IFI27: variants seen among roughly 807,000 people sequenced by gnomAD.
The protein encoded by IFI27 is interferon alpha inducible protein 27.
In IFI27, 3 loss-of-function variants were observed where a neutral mutation model predicts 8.9. The ratio of observed to expected loss-of-function variants is 0.34; its 90% CI spans 0.15 to 0.87. IFI27 has a LOEUF of 0.87. IFI27 is among the 40% of genes least tolerant of loss of function. The probability of loss-of-function intolerance (pLI) is 0.51; values close to 1 mark genes in which losing one functional copy is unlikely to be tolerated. For missense variants in IFI27, 152 were observed against 157.7 expected (o/e 0.96, Z 0.19); for synonymous variants, 66 against 67.3 (o/e 0.98, Z 0.09).
At chr14:94,109,036 G>A (rs1887059349), upstream of IFI27, among the ~76,000 whole-genome samples, 1 of 152,182 alleles carries the variant, frequency 6.6e-6, no homozygotes, top group African/African-American at 2.4e-5. Context: ...GCTCACACCT[G>A]TAATCCCAGC....
upstream of IFI27, among the ~76,000 whole-genome samples, chr14:94,110,381 A>G (rs184390547): frequency 1.1e-3 from 174 of 152,344 alleles, 2 homozygotes; most frequent in Non-Finnish European, 2.1e-3. Context: ...ACATCTGCCT[A>G]TCGCAAGGAC....
At chr14:94,106,179 C>G (rs1482108962), upstream of IFI27, among the ~76,000 whole-genome samples, 1 of 152,132 alleles carries the variant, frequency 6.6e-6, no homozygotes, top group Non-Finnish European at 1.5e-5. Flanking sequence ...AGGCACTAAT[C>G]CCATTCATTA....
At position 94,112,196 on chromosome 14, in the gene IFI27, AC is replaced by A. The variant is rs146231289; in HGVS notation, c.91+424del. ...CGATTTTAACAAAATTCTTCAGCTC[AC>A]TTTTTTCATTAGTTTCTGGGAGATC... On this transcript the variant is annotated intron_variant, in intron 2 of 4. Transcript: ENST00000621160. 929 of 176,614 alleles carry A rather than the reference AC, an allele frequency of 5.3e-3. 6 individuals carry two copies. The highest frequency in any genetic ancestry group is 0.02 in the African/African-American group (858 of 42,378). The allele number at this position is 176,614 out of a possible 1,614,324, so 10.9% of individuals were successfully genotyped here. A position where few individuals can be genotyped will look rare whatever the true frequency, so the allele number is the denominator to read the frequency against.
intron 2 of IFI27, chr14:94,112,855 T>G (rs1295893331): frequency 6.6e-6 from 1 of 152,270 alleles, no homozygotes; most frequent in Admixed American, 6.5e-5. Flanking sequence ...GGCTCCCAAC[T>G]CAGTACAGAG....
chr14:94,115,467 A>G (rs1332324537), intron 3 of IFI27: 6 of 604,670 alleles, frequency 9.9e-6, no homozygotes, highest in Non-Finnish European at 1.5e-5. Context: ...CTTGCCAACC[A>G]CTCCCCTGGT....
At position 94,116,186 on chromosome 14, in the gene IFI27, C is replaced by T. The variant is rs571868632; in HGVS notation, c.283+244C>T. The T allele has an allele frequency of 1.9e-5, 13 of 700,302 alleles. No homozygotes were observed. The highest frequency in any genetic ancestry group is 4.6e-5 in the South Asian group (3 of 65,864). The allele number at this position is 700,302 out of a possible 1,614,324, so 43.4% of individuals were successfully genotyped here. ...CTGGGTTACCTGGGGCGTCTCCTCC[C>T]CTCTGGGGTGCAGCCTCCTTCCCTG... On this transcript the variant is annotated intron_variant, in intron 4 of 4. Transcript: ENST00000621160. This position sits in a 1 kb window ranked among gnomAD's most constrained non-coding sequence, Gnocchi z 4.3.
intron 3 of IFI27, chr14:94,115,172 ACTC>A (rs1351613862): frequency 1.7e-5 from 11 of 651,028 alleles, no homozygotes; most frequent in Non-Finnish European, 2.8e-5. Context: ...ATGTCTTTGA[ACTC>A]CTCTGAGCTC....
Position 94,114,774 on chromosome 14 carries a change from T to A in IFI27, c.92-77T>A, listed in dbSNP as rs941794400. On this transcript the variant is annotated intron_variant, in intron 2 of 4. Transcript: ENST00000621160. ...ACCTGGGGCAGCCCCCTGCCTCCCTTTAGATGGGCAATCGGCTTAGAAAGT... is the reference window on the plus strand; with the variant it reads ...ACCTGGGGCAGCCCCCTGCCTCCCTATAGATGGGCAATCGGCTTAGAAAGT... The A allele has an allele frequency of 5.9e-6, 9 of 1,526,424 alleles. No homozygotes were observed. In the African/African-American group the frequency reaches 1.1e-4, roughly 19 times the overall value. The allele number at this position is 1,526,424 out of a possible 1,614,324, so 94.6% of individuals were successfully genotyped here. A position where few individuals can be genotyped will look rare whatever the true frequency, so the allele number is the denominator to read the frequency against.
chr14:94,112,072 C>T, intron 2 of IFI27: 1 of 499,656 alleles, frequency 2.0e-6, no homozygotes, highest in Non-Finnish European at 3.6e-6. Flanking sequence ...CTCTCTTCAG[C>T]TCTCCCTTCC....
upstream of IFI27, among the ~76,000 whole-genome samples, chr14:94,107,478 A>C (rs1288671001): frequency 2.0e-5 from 3 of 152,090 alleles, no homozygotes; most frequent in African/African-American, 7.2e-5. Flanking sequence ...GTCATGAATA[A>C]TTTCCCCTAT....
chr14:94,114,802 AG>A (rs1887326545), intron 2 of IFI27, 48 bp from the exon 3 acceptor site: 1 of 1,608,356 alleles, frequency 6.2e-7, no homozygotes, highest in Admixed American at 1.7e-5. Flanking sequence ...TAGAAAGTGG[AG>A]GGGAAGCCAG....
Position 94,115,959 on chromosome 14 carries a change from G to A in IFI27, c.283+17G>A, listed in dbSNP as rs375408919. ...AGTCACTGGGTAAGTATCCTGGCGG[G>A]GCTTGCTGGGGAGGGCGATGAGGAG... On this transcript the variant is annotated intron_variant, in intron 4 of 4. Coordinates refer to ENST00000621160, the Ensembl canonical transcript of IFI27. 52 of 1,559,726 alleles carry A rather than the reference G, an allele frequency of 3.3e-5. No homozygotes were observed. The African/African-American group carries it at 6.4e-4, about 19-fold the overall frequency.
intron 4 of IFI27, 43 bp downstream of exon 4, chr14:94,115,985 G>A: frequency 6.5e-7 from 1 of 1,539,416 alleles, no homozygotes; most frequent in East Asian, 2.4e-5. Flanking sequence ...CGATGAGGAG[G>A]GCAAGAGCCT....
chr14:94,106,720 G>C (rs1887019783), upstream of IFI27, among the ~76,000 whole-genome samples: 2 of 152,186 alleles, frequency 1.3e-5, no homozygotes, highest in Non-Finnish European at 2.9e-5. Flanking sequence ...CATGGCACTG[G>C]TATCTGCTCG....
chr14:94,111,871 A>C lies in IFI27; in HGVS notation c.91+98A>C. 2 of 936,706 alleles carry C rather than the reference A, an allele frequency of 2.1e-6. No homozygotes were observed. Among genetic ancestry groups the C allele is most frequent in the Non-Finnish European group, 1.7e-6 (1 of 572,594 alleles). The allele number at this position is 936,706 out of a possible 1,614,324, so 58.0% of individuals were successfully genotyped here. On this transcript the variant is annotated intron_variant, in intron 2 of 4. Transcript: ENST00000621160. The surrounding 1 kb of genome is among the most constrained non-coding windows in gnomAD (Gnocchi z 4.3). The stretch of plus-strand genomic sequence containing the variant: ...ACCCGTGGGAGAGAAAATGGGGGAC[A>C]CCCGCAGCCTTGCTGCCCTGTCCTG...
At position 94,115,556 on chromosome 14, in the gene IFI27, C is replaced by T. The variant is rs1887356782; in HGVS notation, c.122-225C>T. The T allele has an allele frequency of 6.5e-6, 4 of 610,952 alleles. No individual in the cohort carries two copies. In the South Asian group the frequency reaches 7.9e-5, roughly 12 times the overall value. The allele number at this position is 610,952 out of a possible 1,614,324, so 37.8% of individuals were successfully genotyped here. Reference sequence around the variant, plus strand: ...AGGAAGGTCCTGCTGCCCAGAAGAGCTTGGCCCAGAGCCCTGTGCCCAGTG... The same window carrying T: ...AGGAAGGTCCTGCTGCCCAGAAGAGTTTGGCCCAGAGCCCTGTGCCCAGTG... On this transcript the variant is annotated intron_variant, in intron 3 of 4. Coordinates refer to ENST00000621160, the Ensembl canonical transcript of IFI27.
exon 1 of IFI27, chr14:94,110,756 G>A (rs892465551): frequency 6.6e-6 from 1 of 152,276 alleles, no homozygotes; most frequent in Non-Finnish European, 1.5e-5. Flanking sequence ...AGCTTAAGAC[G>A]GTGAGGTCAG....
At chr14:94,109,733 C>G (rs1005353278), upstream of IFI27, among the ~76,000 whole-genome samples, 1 of 152,196 alleles carries the variant, frequency 6.6e-6, no homozygotes, top group African/African-American at 2.4e-5. Context: ...GAGAGCCCTC[C>G]CATTAAAGCC....
rs147373518 is a variant in IFI27, at chr14:94,111,815, C to T, written c.91+42C>T. 558 of 1,480,456 alleles carry T rather than the reference C, an allele frequency of 3.8e-4. 3 individuals are homozygous for T. The African/African-American group carries it at 6.7e-3, about 18-fold the overall frequency. 91.7% of individuals were successfully genotyped at this position (1,480,456 alleles called of 1,614,324 possible). ...GGGGCTGGTGCTGGGGGCGAGGAGG[C>T]GGCTGGGAAGGGCGGGGGTCCTGTC... On this transcript the variant is annotated intron_variant, in intron 2 of 4. Transcript: ENST00000621160. This position sits in a 1 kb window ranked among gnomAD's most constrained non-coding sequence, Gnocchi z 4.3.
Sources: allele counts gnomAD v4.1 joint callset (sites outside exome capture counted in the v4.1 genomes callset), GRCh38; gene constraint gnomAD v4.1.1; non-coding constraint Gnocchi (gnomAD v3.1); transcripts MANE v1.5; gene names NCBI Gene and HGNC (gene_info 2026-07-23, HGNC 2026-07-21).